Variants in MREG observed in about 807,000 individuals in gnomAD.
MREG encodes the protein dilute suppressor protein homolog.
A neutral mutation model predicts 28.5 loss-of-function variants in MREG; 31 were observed. The ratio of observed to expected loss-of-function variants is 1.09; its 90% confidence interval spans 0.82 to 1.47. MREG has a LOEUF of 1.47. Ranked by LOEUF, MREG falls within the 40% of genes most tolerant of loss-of-function variation. MREG has a pLI of 0.00. For missense variants in MREG, 256 were observed against 257.4 expected, an observed-to-expected ratio of 0.99 and a Z score of 0.04; for synonymous variants, 106 against 95.2, an observed-to-expected ratio of 1.11 and a Z score of -0.66.
At chr2:216,019,536 G>A (rs1490453598) in intron 1 of MREG, among the ~76,000 whole-genome samples, 1 of 144,324 alleles carries the variant, frequency 6.9e-6, no homozygotes, top group East Asian at 2.0e-4. Flanking sequence ...ACAGAGTCTT[G>A]CTCTGTCGCC....
chr2:216,013,368 G>T lies in MREG; in HGVS notation c.-41C>A. The stretch of plus-strand genomic sequence containing the variant: ...CCACCGGCGCCGGAAGCCTGGGGCC[G>T]AGTCGCCGCGGCGAGCGATCGAGGC... On this transcript the variant is annotated 5_prime_UTR_variant, in exon 1 of 5. Transcript: ENST00000263268. 7.0e-7 allele frequency: 1 copy of T among 1,431,420 alleles called. No homozygotes were observed. Among genetic ancestry groups the T allele is most frequent in the Non-Finnish European group, 9.3e-7 (1 of 1,079,720 alleles). 88.7% of individuals were successfully genotyped at this position (1,431,420 alleles called of 1,614,324 possible). A position where few individuals can be genotyped will look rare whatever the true frequency, so the allele number is the denominator to read the frequency against.
At chr2:215,942,411 T>A (rs982126941), downstream of MREG, among the ~76,000 whole-genome samples, 1 of 152,184 alleles carries the variant, frequency 6.6e-6, no homozygotes, top group Non-Finnish European at 1.5e-5. Flanking sequence ...TGCGCCCCTC[T>A]CATGCACTGC....
At chr2:216,026,504 G>A (rs1438840108) in intron 1 of MREG, among the ~76,000 whole-genome samples, 1 of 152,016 alleles carries the variant, frequency 6.6e-6, no homozygotes, top group Non-Finnish European at 1.5e-5. Flanking sequence ...GTGACTACAG[G>A]CATGCGCCAC....
Position 215,944,382 on chromosome 2 carries a change from A to T in MREG, c.*481T>A, listed in dbSNP as rs1263196739. ...CCTCCAAGGTTCTACAAGGTGACCA[A>T]ATCAGAGAGGTCACCTCATGCCTAG... On this transcript the variant is annotated 3_prime_UTR_variant, in exon 5 of 5. Transcript: ENST00000263268. 1.3e-5 allele frequency: 2 copies of T among 152,636 alleles called. No individual in the cohort carries two copies. The highest frequency in any genetic ancestry group is 4.8e-5 in the African/African-American group (2 of 41,478). 9.5% of individuals were successfully genotyped at this position (152,636 alleles called of 1,614,324 possible). A position where few individuals can be genotyped will look rare whatever the true frequency, so the allele number is the denominator to read the frequency against.
At chr2:215,963,578 A>G (rs1692859372) in intron 2 of MREG, among the ~76,000 whole-genome samples, 1 of 152,216 alleles carries the variant, frequency 6.6e-6, no homozygotes, top group African/African-American at 2.4e-5. Context: ...TGTGGCTACT[A>G]GAAAATTTAA....
chr2:215,995,156 T>C (rs140662886), intron 2 of MREG, among the ~76,000 whole-genome samples: 2 of 152,282 alleles, frequency 1.3e-5, no homozygotes, highest in East Asian at 1.9e-4. Flanking sequence ...GCCTTCAGCA[T>C]TGCCCATCAC....
chr2:215,988,567 G>T (rs949414842), intron 2 of MREG, among the ~76,000 whole-genome samples: 1 of 152,202 alleles, frequency 6.6e-6, no homozygotes. Context: ...CTGGAAAGGG[G>T]CTGAAGCCAA....
intron 1 of MREG, among the ~76,000 whole-genome samples, chr2:216,012,223 A>G (rs577046092): frequency 6.6e-6 from 1 of 152,292 alleles, no homozygotes; most frequent in East Asian, 1.9e-4. Flanking sequence ...GGAGGGTTGG[A>G]GCCAATGAGT....
chr2:215,963,219 G>A (rs942651630), intron 2 of MREG, among the ~76,000 whole-genome samples: 2 of 152,098 alleles, frequency 1.3e-5, no homozygotes, highest in African/African-American at 4.8e-5. Flanking sequence ...CAGCACTGTG[G>A]AAGGCCGAGG....
At chr2:216,030,825 A>G (rs1008901866) in intron 1 of MREG, among the ~76,000 whole-genome samples, 5 of 151,128 alleles carry the variant, frequency 3.3e-5, no homozygotes, top group African/African-American at 1.2e-4. Flanking sequence ...GGCCTTCCAA[A>G]GTGCTAGGAT....
At chr2:215,989,825 G>A (rs1005842031) in intron 2 of MREG, among the ~76,000 whole-genome samples, 6 of 151,806 alleles carry the variant, frequency 4.0e-5, no homozygotes, top group Non-Finnish European at 7.4e-5. Flanking sequence ...ATGAAATAAA[G>A]CATGAAGACA....
At chr2:215,954,222 C>T (rs1005642181) in intron 2 of MREG, among the ~76,000 whole-genome samples, 15 of 152,150 alleles carry the variant, frequency 9.9e-5, no homozygotes, top group African/African-American at 3.6e-4. Context: ...CTTAACCATT[C>T]AACTCTCTTA....
intron 2 of MREG, among the ~76,000 whole-genome samples, chr2:215,981,258 T>C (rs1454743242): frequency 6.6e-6 from 1 of 152,032 alleles, no homozygotes; most frequent in Non-Finnish European, 1.5e-5. Context: ...GCAACCCGAG[T>C]GTCCATCAAT....
chr2:216,013,379 G>C lies in MREG; in HGVS notation c.-52C>G. 1 of 1,396,530 alleles carries C rather than the reference G, an allele frequency of 7.2e-7. No homozygotes were observed. Among genetic ancestry groups the C allele is most frequent in the Non-Finnish European group, 9.5e-7 (1 of 1,055,704 alleles). The allele number at this position is 1,396,530 out of a possible 1,614,324, so 86.5% of individuals were successfully genotyped here. The stretch of plus-strand genomic sequence containing the variant: ...GGAAGCCTGGGGCCGAGTCGCCGCG[G>C]CGAGCGATCGAGGCTGGGGCGCGGC... On this transcript the variant is annotated 5_prime_UTR_variant, in exon 1 of 5. Coordinates refer to ENST00000263268, the MANE Select transcript of MREG (RefSeq NM_018000.3).
At chr2:215,942,222 A>G (rs934916004), downstream of MREG, among the ~76,000 whole-genome samples, 1 of 152,226 alleles carries the variant, frequency 6.6e-6, no homozygotes, top group Non-Finnish European at 1.5e-5. Flanking sequence ...ATCAACCTGC[A>G]TACACAGATG....
chr2:215,988,251 G>A (rs1349376372), intron 2 of MREG, among the ~76,000 whole-genome samples: 8 of 152,294 alleles, frequency 5.3e-5, no homozygotes, highest in Middle Eastern at 3.4e-3. Context: ...AGGGCAAGCT[G>A]AAGCAGGGTG....
In MREG at chr2:215,944,472, CT is replaced by C. The variant is rs1423253024; in HGVS notation, c.*390del. ...TTAAAACTGGCAATCCATTTTGGGA[CT>C]CAATGACAGCTCTCTCTATTAATCA... is the stretch of plus-strand genomic sequence containing the variant. On this transcript the variant is annotated 3_prime_UTR_variant, in exon 5 of 5. Transcript: ENST00000263268. The C allele has an allele frequency of 6.4e-5, 10 of 155,892 alleles. No homozygotes were observed. The highest frequency in any genetic ancestry group is 2.4e-4 in the African/African-American group (10 of 41,554). The allele number at this position is 155,892 out of a possible 1,614,324, so 9.7% of individuals were successfully genotyped here. A position where few individuals can be genotyped will look rare whatever the true frequency, so the allele number is the denominator to read the frequency against.
upstream of MREG, among the ~76,000 whole-genome samples, chr2:216,015,606 G>A (rs1377113149): frequency 1.3e-5 from 2 of 152,194 alleles, no homozygotes; most frequent in African/African-American, 4.8e-5. Flanking sequence ...TCCAATGGCT[G>A]CTGTCTTGAG....
chr2:216,014,894 T>C (rs1433436213), upstream of MREG, among the ~76,000 whole-genome samples: 2 of 152,138 alleles, frequency 1.3e-5, no homozygotes, highest in Non-Finnish European at 2.9e-5. Flanking sequence ...ATTCAACAAA[T>C]ATTTATGGAG....
Sources: gnomAD v4.1 joint callset for allele counts (sites outside exome capture counted in the v4.1 genomes callset) on GRCh38, gnomAD v4.1.1 for gene constraint, MANE v1.5 for transcripts, NCBI Gene and HGNC (gene_info 2026-07-23, HGNC 2026-07-21) for gene names.